COLEC11: variants seen among roughly 807,000 people sequenced by gnomAD.
COLEC11 encodes the protein collectin subfamily member 11.
Under a neutral mutation model 27.3 loss-of-function variants are expected in COLEC11, and 20 were observed. The ratio of observed to expected loss-of-function variants is 0.73; its 90% CI spans 0.51 to 1.06. The LOEUF (loss-of-function observed/expected upper bound fraction) is 1.06. Ranked by LOEUF, COLEC11 falls within the 50% of genes least tolerant of loss-of-function variation. The probability of loss-of-function intolerance (pLI) is 0.00; values close to 1 mark genes in which losing one functional copy is unlikely to be tolerated. For synonymous variants in COLEC11, 163 were observed against 154.7 expected (o/e 1.05, Z -0.40); for missense variants, 310 against 383.0 (o/e 0.81, Z 1.59).
At chr2:3,604,165 T>C (rs2147854255) in intron 1 of COLEC11, 150 bp from the exon 2 acceptor site, 1 of 791,798 alleles carries the variant, frequency 1.3e-6, no homozygotes, top group Non-Finnish European at 2.1e-6. Context: ...TGATTGGTGC[T>C]TGAGTGAGTG....
intron 3 of COLEC11, among the ~76,000 whole-genome samples, chr2:3,633,429 C>T (rs915243491): frequency 6.6e-6 from 1 of 152,252 alleles, no homozygotes; most frequent in Non-Finnish European, 1.5e-5. Flanking sequence ...CCAAGGTCAT[C>T]GCTCACACTT....
chr2:3,598,307 C>T (rs1661995564), intron 1 of COLEC11, among the ~76,000 whole-genome samples: 2 of 152,174 alleles, frequency 1.3e-5, no homozygotes, highest in African/African-American at 2.4e-5. Context: ...ACTGCCTGCC[C>T]TGGAAATACT....
chr2:3,598,024 C>G (rs1490319109), intron 1 of COLEC11, among the ~76,000 whole-genome samples: 1 of 152,036 alleles, frequency 6.6e-6, no homozygotes, highest in African/African-American at 2.4e-5. Context: ...CAACCTCCAC[C>G]TCCCGGGTTC....
chr2:3,644,043 C>T lies in COLEC11; in HGVS notation c.741C>T (p.Ala247=). 6.2e-7 allele frequency: 1 copy of T among 1,613,782 alleles called. No homozygotes were observed. Among genetic ancestry groups the T allele is most frequent in the African/African-American group, 1.3e-5 (1 of 75,078 alleles). The change falls in exon 7 of 7, where the codon GCC becomes GCT. Residue 247 remains alanine, a synonymous_variant. Coordinates refer to ENST00000349077, the MANE Select transcript of COLEC11 (RefSeq NM_024027.5). ...YDEEDCVEMV[A]SGGWNDVACH... Reference sequence around the variant, plus strand: ...AGGAGGACTGCGTGGAGATGGTGGCCTCGGGCGGCTGGAACGACGTGGCCT... The same window carrying T: ...AGGAGGACTGCGTGGAGATGGTGGCTTCGGGCGGCTGGAACGACGTGGCCT...
At chr2:3,603,232 G>A (rs903883202) in intron 1 of COLEC11, among the ~76,000 whole-genome samples, 1 of 152,122 alleles carries the variant, frequency 6.6e-6, no homozygotes, top group African/African-American at 2.4e-5. Flanking sequence ...CTCCCCTCCT[G>A]TCCCTTTCCC....
At chr2:3,628,797 G>T (rs931634472) in intron 3 of COLEC11, among the ~76,000 whole-genome samples, 1 of 152,212 alleles carries the variant, frequency 6.6e-6, no homozygotes, top group Non-Finnish European at 1.5e-5. Flanking sequence ...AAATTAATAA[G>T]AACTCCACAC....
chr2:3,602,302 C>T lies in COLEC11; in HGVS notation c.-26-2013C>T, dbSNP rs912063311. ...CGAACCATTGCTCCACCCACTGGGT[C>T]ACATAGGAGTCTATAGTGTCTCAGA... On this transcript the variant is annotated intron_variant, in intron 1 of 6. Transcript: ENST00000349077. This position sits in a 1 kb window ranked among gnomAD's most constrained non-coding sequence, Gnocchi z 6.2. Among the ~76,000 whole-genome samples, 5 of 152,140 alleles carry T rather than the reference C, an allele frequency of 3.3e-5. No individual in the cohort carries two copies. The highest frequency in any genetic ancestry group is 3.3e-4 in the Admixed American group (5 of 15,284).
intron 1 of COLEC11, among the ~76,000 whole-genome samples, chr2:3,603,041 G>A (rs1662350915): frequency 6.6e-6 from 1 of 152,240 alleles, no homozygotes; most frequent in African/African-American, 2.4e-5. Flanking sequence ...AAATGTTTCT[G>A]AACGAATGAT....
At chr2:3,603,062 A>C (rs1031574077) in intron 1 of COLEC11, among the ~76,000 whole-genome samples, 1 of 152,216 alleles carries the variant, frequency 6.6e-6, no homozygotes, top group African/African-American at 2.4e-5. Flanking sequence ...TAACCAAACG[A>C]AAGGCTGCCA....
rs1319058432 is a variant in COLEC11 at position 3,643,801 on chromosome 2, C to T, written c.499C>T (p.Gln167Ter). The change falls in exon 7 of 7, where the codon CAG (glutamine) becomes TAG (stop). Residue 167 changes from glutamine to a stop codon, truncating the protein, a stop_gained. Coordinates refer to ENST00000349077, the MANE Select transcript of COLEC11 (RefSeq NM_024027.5). LOFTEE classifies it high-confidence loss of function. ...VKEEKRYADA[Q>*]LSCQGRGGTL... Reference sequence around the variant, plus strand: ...GGAGGAGAAGCGCTACGCGGACGCCCAGCTGTCCTGCCAGGGCCGCGGGGG... The same window carrying T: ...GGAGGAGAAGCGCTACGCGGACGCCTAGCTGTCCTGCCAGGGCCGCGGGGG... 6.2e-7 allele frequency: 1 copy of T among 1,613,572 alleles called. No individual in the cohort carries two copies. The highest frequency in any genetic ancestry group is 8.5e-7 in the Non-Finnish European group (1 of 1,179,954).
intron 3 of COLEC11, among the ~76,000 whole-genome samples, chr2:3,627,827 G>C (rs1664673350): frequency 6.6e-6 from 1 of 152,208 alleles, no homozygotes; most frequent in Admixed American, 6.5e-5. Flanking sequence ...ATGATGCTGG[G>C]CATAACACTG....
chr2:3,595,742 A>C (rs1364305588), intron 1 of COLEC11, among the ~76,000 whole-genome samples: 2 of 152,156 alleles, frequency 1.3e-5, no homozygotes, highest in Non-Finnish European at 2.9e-5. Context: ...TTGTCTCCAA[A>C]ATTGGAAAGG....
intron 1 of COLEC11, chr2:3,603,789 C>CTAACCCTA: frequency 1.1e-6 from 1 of 913,966 alleles, no homozygotes; most frequent in East Asian, 2.7e-5. Flanking sequence ...TTACTGATCT[C>CTAACCCTA]ACCGAGGAAG....
At chr2:3,618,022 C>T (rs753675634) in intron 3 of COLEC11, among the ~76,000 whole-genome samples, 1 of 152,186 alleles carries the variant, frequency 6.6e-6, no homozygotes, top group Non-Finnish European at 1.5e-5. Flanking sequence ...ATTCTTTGCC[C>T]ATTTTTAAAT....
intron 3 of COLEC11, among the ~76,000 whole-genome samples, chr2:3,633,991 C>A (rs1186027284): frequency 6.6e-6 from 1 of 152,174 alleles, no homozygotes; most frequent in Non-Finnish European, 1.5e-5. Context: ...AAGCACGGGG[C>A]TCACCTTTCA....
intron 3 of COLEC11, among the ~76,000 whole-genome samples, chr2:3,629,659 T>A (rs1438203345): frequency 6.6e-6 from 1 of 152,186 alleles, no homozygotes; most frequent in Non-Finnish European, 1.5e-5. Flanking sequence ...ATAGTATGTA[T>A]GTGTATGTGT....
intron 3 of COLEC11, among the ~76,000 whole-genome samples, chr2:3,615,716 TG>T (rs1324825127): frequency 2.1e-5 from 3 of 144,682 alleles, no homozygotes; most frequent in African/African-American, 7.7e-5. Context: ...AGGGGGCGGC[TG>T]GGCAGAGGCG....
intron 3 of COLEC11, among the ~76,000 whole-genome samples, chr2:3,627,257 T>TGACGACGCTGGTCAC (rs972349694): frequency 6.7e-6 from 1 of 150,282 alleles, no homozygotes; most frequent in Non-Finnish European, 1.5e-5. Context: ...CGCCTGGGCA[T>TGACGACGCTGGTCAC]GATGACGCTG....
chr2:3,618,852 TAGTTCTC>T (rs1344713234), intron 3 of COLEC11, among the ~76,000 whole-genome samples: 1 of 152,240 alleles, frequency 6.6e-6, no homozygotes, highest in Non-Finnish European at 1.5e-5. Context: ...CAATGTTTCA[TAGTTCTC>T]AGTGTACAGG....
Sources: allele counts gnomAD v4.1 joint callset (sites outside exome capture counted in the v4.1 genomes callset), GRCh38; gene constraint gnomAD v4.1.1; non-coding constraint Gnocchi (gnomAD v3.1); transcripts MANE v1.5; gene names NCBI Gene and HGNC (gene_info 2026-07-23, HGNC 2026-07-21).